The following TTLL3 variants were observed in gnomAD, a reference collection of about 807,000 sequenced individuals.
TTLL3 encodes tubulin tyrosine ligase like 3, also known as tubulin monoglycylase TTLL3.
Under a neutral mutation model 75.2 loss-of-function variants are expected in TTLL3, and 63 were observed. The ratio of observed to expected loss-of-function variants is 0.84; its 90% CI spans 0.68 to 1.03. TTLL3 has a LOEUF of 1.03. Ranked by LOEUF, TTLL3 falls within the 50% of genes least tolerant of loss-of-function variation. The pLI, the probability that TTLL3 is intolerant of heterozygous loss-of-function variation, is 0.00. For missense variants in TTLL3, 997 were observed against 1,069.9 expected (o/e 0.93, Z 0.95); for synonymous variants, 393 against 418.5 (o/e 0.94, Z 0.74).
rs2079475927 is a variant in TTLL3 at position 9,812,809 on chromosome 3, CTGTT to C, written c.49-132_49-129del. The C allele has an allele frequency of 5.0e-6, 5 of 1,008,992 alleles. No homozygotes were observed. In the East Asian group the frequency reaches 1.1e-4, roughly 23 times the overall value. The allele number at this position is 1,008,992 out of a possible 1,614,324, so 62.5% of individuals were successfully genotyped here. Reference sequence around the variant, plus strand: ...ATTTATTTCTCTACTTATTTATAGTCTGTTTATTTCTCCTAATGGAATATAAAAA... The same window carrying C: ...ATTTATTTCTCTACTTATTTATAGTCTATTTCTCCTAATGGAATATAAAAA... On this transcript the variant is annotated intron_variant, in intron 2 of 13. Transcript: ENST00000685419.
chr3:9,834,237 A>T (rs538078406), intron 12 of TTLL3: 7 of 376,148 alleles, frequency 1.9e-5, no homozygotes, highest in Admixed American at 9.8e-5. Context: ...ACTTAAGCCC[A>T]GGTTGCTCTC....
chr3:9,811,612 A>G, intron 2 of TTLL3, among the ~76,000 whole-genome samples: 1 of 152,224 alleles, frequency 6.6e-6, no homozygotes, highest in East Asian at 1.9e-4. Flanking sequence ...GTAATACAGC[A>G]GCAAGCCAAG....
intron 4 of TTLL3, among the ~76,000 whole-genome samples, chr3:9,815,658 C>T (rs2079776054): frequency 6.6e-6 from 1 of 152,188 alleles, no homozygotes; most frequent in Non-Finnish European, 1.5e-5. Flanking sequence ...TTGGGGACAC[C>T]CTTAGGGGCC....
intron 8 of TTLL3, among the ~76,000 whole-genome samples, chr3:9,824,810 G>A (rs1431513520): frequency 6.9e-6 from 1 of 145,836 alleles, no homozygotes; most frequent in Non-Finnish European, 1.5e-5. Flanking sequence ...GTACGATCTC[G>A]GCTCACTGCA....
intron 12 of TTLL3, among the ~76,000 whole-genome samples, chr3:9,833,560 C>G (rs1244084880): frequency 6.6e-6 from 1 of 152,194 alleles, no homozygotes; most frequent in Admixed American, 6.5e-5. Flanking sequence ...CCCAAAACAC[C>G]CGAGTGTTCC....
intron 12 of TTLL3, 95 bp downstream of exon 12, chr3:9,833,340 C>T (rs531527348): frequency 6.4e-7 from 1 of 1,556,508 alleles, no homozygotes; most frequent in East Asian, 2.3e-5. Flanking sequence ...TCTCCACTGC[C>T]ACCACTTCAG....
At chr3:9,819,605 A>G (rs1374023989) in intron 7 of TTLL3, 39 of 985,540 alleles carry the variant, frequency 4.0e-5, no homozygotes, top group Admixed American at 1.2e-4. Context: ...GAGGGGACAC[A>G]GAGGAACCCT....
At chr3:9,820,183 C>T (rs769990092) in intron 7 of TTLL3, 12 of 1,026,334 alleles carry the variant, frequency 1.2e-5, no homozygotes, top group Non-Finnish European at 1.3e-5. Flanking sequence ...GGGGGAGGGG[C>T]GTTCATGTAT....
intron 4 of TTLL3, among the ~76,000 whole-genome samples, chr3:9,814,331 G>A (rs1195914085): frequency 6.7e-6 from 1 of 149,106 alleles, no homozygotes; most frequent in Admixed American, 6.7e-5. Context: ...GCGAGACTCC[G>A]TCTGAAAAAA....
At chr3:9,826,907 G>A in intron 9 of TTLL3, 90 bp from the exon 10 acceptor site, 1 of 1,581,810 alleles carries the variant, frequency 6.3e-7, no homozygotes, top group Non-Finnish European at 8.6e-7. Flanking sequence ...AGCCCTATCA[G>A]CTCCGAGGGG....
At chr3:9,832,980 A>T in intron 11 of TTLL3, 124 bp from the exon 12 acceptor site, 1 of 1,215,260 alleles carries the variant, frequency 8.2e-7, no homozygotes, top group Non-Finnish European at 1.2e-6. Context: ...TTCTCAGCTC[A>T]GAAACGCCTC....
intron 7 of TTLL3, chr3:9,819,525 G>A: frequency 1.0e-6 from 1 of 988,028 alleles, no homozygotes. Context: ...GGAGGAGGAA[G>A]CAGTGAAACT....
intron 8 of TTLL3, chr3:9,825,487 T>C (rs1046214957): frequency 1.2e-5 from 5 of 408,402 alleles, no homozygotes; most frequent in African/African-American, 6.1e-5. Flanking sequence ...ACTGGAATGA[T>C]TAAATTCTGT....
At chr3:9,811,136 CT>C (rs1424713389) in intron 2 of TTLL3, among the ~76,000 whole-genome samples, 2 of 152,240 alleles carry the variant, frequency 1.3e-5, no homozygotes, top group African/African-American at 2.4e-5. Context: ...TAGTGGCCCC[CT>C]GGCCCCTTCC....
In TTLL3 at chr3:9,813,046, C is replaced by G. The variant is rs753884606; in HGVS notation, c.152C>G (p.Thr51Ser). ...AAGATGGTCCATCGCTCAGGCCCCA[C>G]CCTGCTGCCACCCCAGAAGGATCTG... The part of the protein sequence containing the change: ...EKKMVHRSGP[T>S]LLPPQKDLDS... The change falls in exon 3 of 14, where the codon ACC becomes AGC. Residue 51 changes from threonine (T) to serine (S), a missense_variant. Thr to Ser is a moderately conservative substitution (Grantham distance 58). Coordinates refer to ENST00000685419, the MANE Select transcript of TTLL3 (RefSeq NM_001387446.1). 6 of 1,589,478 alleles carry G rather than the reference C, an allele frequency of 3.8e-6. No individual in the cohort carries two copies. In the South Asian group the frequency reaches 6.8e-5, roughly 18 times the overall value.
chr3:9,810,814 A>AG lies in TTLL3; in HGVS notation c.48+105_48+106insG. Reference sequence around the variant, plus strand: ...TTAAAAAACAAAAGCAAAAGAAAAAACAATAGCAAAAATCCTCAACCACCA... The same window carrying AG: ...TTAAAAAACAAAAGCAAAAGAAAAAAGCAATAGCAAAAATCCTCAACCACCA... On this transcript the variant is annotated intron_variant, in intron 2 of 13. Coordinates refer to ENST00000685419, the MANE Select transcript of TTLL3 (RefSeq NM_001387446.1). The surrounding 1 kb of genome is among the most constrained non-coding windows in gnomAD (Gnocchi z 4.4). 1 of 1,121,420 alleles carries AG rather than the reference A, an allele frequency of 8.9e-7. No homozygotes were observed. The highest frequency in any genetic ancestry group is 1.2e-6 in the Non-Finnish European group (1 of 801,896). 69.5% of individuals were successfully genotyped at this position (1,121,420 alleles called of 1,614,324 possible).
At chr3:9,810,124 C>G (rs1006114674), upstream of TTLL3, 29 of 1,469,560 alleles carry the variant, frequency 2.0e-5, no homozygotes, top group Non-Finnish European at 2.5e-5. This position sits in a 1 kb window ranked among gnomAD's most constrained non-coding sequence, Gnocchi z 4.4. Context: ...GCTGCGGAAG[C>G]CGCAGCCGCT....
chr3:9,816,420 G>A (rs2079865105), intron 5 of TTLL3, among the ~76,000 whole-genome samples: 1 of 152,146 alleles, frequency 6.6e-6, no homozygotes, highest in Non-Finnish European at 1.5e-5. Flanking sequence ...AATGGGTCTG[G>A]AGGTAGAACA....
intron 8 of TTLL3, among the ~76,000 whole-genome samples, chr3:9,824,041 C>T (rs992189327): frequency 6.6e-6 from 1 of 152,168 alleles, no homozygotes; most frequent in African/African-American, 2.4e-5. Context: ...CCAGGGAGTA[C>T]CTGCTGAGTG....
Sources: allele counts gnomAD v4.1 joint callset (sites outside exome capture counted in the v4.1 genomes callset), GRCh38; gene constraint gnomAD v4.1.1; non-coding constraint Gnocchi (gnomAD v3.1); transcripts MANE v1.5; gene names NCBI Gene and HGNC (gene_info 2026-07-23, HGNC 2026-07-21).